The following EXOG variants were observed in gnomAD, a reference collection of about 807,000 sequenced individuals.
The protein encoded by EXOG is nuclease EXOG, mitochondrial.
In EXOG, 27 loss-of-function variants were observed where a neutral mutation model predicts 25.8. That is an observed-to-expected ratio of 1.05 (90% CI 0.77 to 1.45). EXOG has a LOEUF of 1.45. Among genes scored for constraint, EXOG ranks in the 40% most tolerant of loss-of-function variants. EXOG has a pLI of 0.00. For missense variants in EXOG, 458 were observed against 450.5 expected, an observed-to-expected ratio of 1.02 and a Z score of -0.15; for synonymous variants, 133 against 167.0, an observed-to-expected ratio of 0.80 and a Z score of 1.57.
At position 38,523,657 on chromosome 3, in the gene EXOG, C is replaced by T. The variant is rs372912325; in HGVS notation, c.646-244C>T. Among the ~76,000 whole-genome samples, 121 of 152,222 alleles carry T rather than the reference C, an allele frequency of 7.9e-4. 2 individuals are homozygous for T. The South Asian group carries it at 0.024, about 30-fold the overall frequency. On this transcript the variant is annotated intron_variant, in intron 5 of 5. Coordinates refer to ENST00000287675, the MANE Select transcript of EXOG (RefSeq NM_005107.4). ...TGCTGGGATTACAGGTATGAGCCAC[C>T]GTGCCTCACCTGGGGTTATATTATT...
chr3:38,520,059 T>C (rs1334178870), intron 5 of EXOG, among the ~76,000 whole-genome samples: 2 of 152,204 alleles, frequency 1.3e-5, no homozygotes, highest in African/African-American at 4.8e-5. Context: ...AATATATCTA[T>C]CTAATTCTAG....
At chr3:38,501,334 A>T (rs947859324) in intron 2 of EXOG, 21 bp from the exon 3 acceptor site, 1 of 1,610,562 alleles carries the variant, frequency 6.2e-7, no homozygotes, top group African/African-American at 1.3e-5. Context: ...TAACATATCC[A>T]TTTTGTGTGT....
In EXOG at chr3:38,497,691, T is replaced by C. The variant is rs546390344; in HGVS notation, c.226T>C (p.Cys76Arg). ...GFPLTGTEAR[C>R]YTNHALSYDQ... Reference sequence around the variant, plus strand: ...CCCTTTAACTGGAACAGAGGCAAGGTGTTACACTAATCACGCTTTGTCTTA... The same window carrying C: ...CCCTTTAACTGGAACAGAGGCAAGGCGTTACACTAATCACGCTTTGTCTTA... Residue 76 changes from cysteine to arginine, a missense_variant, in exon 2 of 6, where the codon TGT becomes CGT. Around this residue, in one of 3 missense-constraint regions of EXOG, gnomAD observed 275 missense variants for 230.5 expected, o/e 1.19. Transcript: ENST00000287675. 24 of 1,610,376 alleles carry C rather than the reference T, an allele frequency of 1.5e-5. No individual in the cohort carries two copies. The highest frequency in any genetic ancestry group is 2.0e-5 in the Non-Finnish European group (23 of 1,179,260).
At chr3:38,502,299 A>G (rs552028854) in intron 3 of EXOG, among the ~76,000 whole-genome samples, 33 of 152,338 alleles carry the variant, frequency 2.2e-4, no homozygotes, top group South Asian at 8.3e-4. Context: ...GTGGAATCAT[A>G]GCTTACTGTA....
At chr3:38,512,403 T>C (rs901555299) in intron 5 of EXOG, among the ~76,000 whole-genome samples, 5 of 152,204 alleles carry the variant, frequency 3.3e-5, no homozygotes, top group African/African-American at 4.8e-5. Flanking sequence ...CAGTTTTTAT[T>C]TGTTTTGGCA....
chr3:38,508,464 G>T (rs2060268919), intron 5 of EXOG, among the ~76,000 whole-genome samples: 1 of 152,106 alleles, frequency 6.6e-6, no homozygotes, highest in Admixed American at 6.6e-5. Flanking sequence ...TTCCAAGAGG[G>T]TGGCTGAAAT....
intron 5 of EXOG, among the ~76,000 whole-genome samples, chr3:38,512,898 G>A (rs947490801): frequency 3.0e-4 from 45 of 152,156 alleles, no homozygotes; most frequent in African/African-American, 8.7e-4. Flanking sequence ...CTGGGCTTTC[G>A]AGATCTTCCC....
At chr3:38,511,496 C>T (rs1225211417) in intron 5 of EXOG, among the ~76,000 whole-genome samples, 1 of 152,142 alleles carries the variant, frequency 6.6e-6, no homozygotes, top group Non-Finnish European at 1.5e-5. Flanking sequence ...ATAATATCTG[C>T]AAGATAAAGT....
intron 1 of EXOG, chr3:38,497,344 A>G (rs779931726): frequency 1.7e-5 from 19 of 1,140,414 alleles, no homozygotes; most frequent in Non-Finnish European, 2.0e-5. Flanking sequence ...TGGAAATTTG[A>G]TGTGAAAGAC....
chr3:38,517,415 T>C (rs6599212), intron 5 of EXOG, among the ~76,000 whole-genome samples: 87,230 of 152,196 alleles, frequency 0.57, 27,358 homozygotes, highest in African/African-American at 0.82. Flanking sequence ...TACTTTCTGG[T>C]ATAAGGCTAT....
At chr3:38,523,351 T>C in intron 5 of EXOG, 2 of 1,218,096 alleles carry the variant, frequency 1.6e-6, no homozygotes, top group Non-Finnish European at 2.1e-6. Flanking sequence ...CCCCTGATCT[T>C]TGGGTTGGCA....
At chr3:38,507,791 G>C (rs2060246992) in intron 5 of EXOG, among the ~76,000 whole-genome samples, 1 of 152,130 alleles carries the variant, frequency 6.6e-6, no homozygotes, top group Non-Finnish European at 1.5e-5. Context: ...GAGTAACCAT[G>C]AATAAATAAC....
chr3:38,513,312 AC>A (rs1185221234), intron 5 of EXOG, among the ~76,000 whole-genome samples: 3 of 152,176 alleles, frequency 2.0e-5, no homozygotes, highest in African/African-American at 7.2e-5. Context: ...CATTTTACTC[AC>A]TTACATTTCC....
intron 5 of EXOG, among the ~76,000 whole-genome samples, chr3:38,515,130 T>G (rs766945897): frequency 2.0e-5 from 3 of 152,162 alleles, no homozygotes; most frequent in Non-Finnish European, 4.4e-5. Flanking sequence ...AAATTTTTTC[T>G]GGAAGAGTCA....
intron 5 of EXOG, among the ~76,000 whole-genome samples, chr3:38,521,870 CTG>C (rs1336675663): frequency 6.6e-6 from 1 of 152,060 alleles, no homozygotes; most frequent in African/African-American, 2.4e-5. Flanking sequence ...ATATTCTTTT[CTG>C]TATTTCCAGC....
rs766641676 is a variant in EXOG, at chr3:38,525,805, G to A, written c.*1443G>A. The A allele has an allele frequency of 2.7e-4, 93 of 348,046 alleles. No individual in the cohort carries two copies. Among genetic ancestry groups the A allele is most frequent in the Admixed American group, 3.9e-4 (6 of 15,514 alleles). 21.6% of individuals were successfully genotyped at this position (348,046 alleles called of 1,614,324 possible). A position where few individuals can be genotyped will look rare whatever the true frequency, so the allele number is the denominator to read the frequency against. On this transcript the variant is annotated 3_prime_UTR_variant, in exon 6 of 6. Coordinates refer to ENST00000287675, the MANE Select transcript of EXOG (RefSeq NM_005107.4). ...AAAAAAATACAAAAATTAGCTGGGC[G>A]TGGTGGTGCACACCTGTAGTCCCAG... is the stretch of plus-strand genomic sequence containing the variant.
chr3:38,520,468 C>T (rs1424831293), intron 5 of EXOG, among the ~76,000 whole-genome samples: 2 of 152,188 alleles, frequency 1.3e-5, no homozygotes, highest in African/African-American at 4.8e-5. Context: ...TGCTGACTCA[C>T]TGATTAACTA....
intron 5 of EXOG, chr3:38,523,051 A>T (rs1047231014): frequency 2.4e-6 from 1 of 410,816 alleles, no homozygotes; most frequent in Non-Finnish European, 4.7e-6. Flanking sequence ...TTTAAAAATT[A>T]GCCCTAATTG....
intron 5 of EXOG, chr3:38,523,454 C>T (rs1294121176): frequency 2.9e-6 from 1 of 340,952 alleles, no homozygotes; most frequent in East Asian, 1.7e-4. Flanking sequence ...CCCTCTGCCT[C>T]CTGGGTTCAA....
Sources: allele counts gnomAD v4.1 joint callset (sites outside exome capture counted in the v4.1 genomes callset), GRCh38; gene constraint gnomAD v4.1.1; regional missense constraint gnomAD v4.1.1; transcripts MANE v1.5; gene names NCBI Gene and HGNC (gene_info 2026-07-23, HGNC 2026-07-21).